Variants in UGT1A10 observed in about 807,000 individuals in gnomAD.
UGT1A10 encodes the protein UDP-glucuronosyltransferase 1A10.
Under a neutral mutation model 45.8 loss-of-function variants are expected in UGT1A10, and 49 were observed. That is an observed-to-expected ratio of 1.07 (90% CI 0.85 to 1.36). The LOEUF (loss-of-function observed/expected upper bound fraction) is 1.36. Among genes scored for constraint, UGT1A10 ranks in the 40% most tolerant of loss-of-function variants. The pLI is 0.00. For missense variants in UGT1A10, 745 were observed against 668.6 expected (o/e 1.11, Z -1.26); for synonymous variants, 284 against 249.7 (o/e 1.14, Z -1.29).
chr2:233,659,180 G>A (rs2073915688), intron 1 of UGT1A10, among the ~76,000 whole-genome samples: 1 of 152,148 alleles, frequency 6.6e-6, no homozygotes, highest in South Asian at 2.1e-4. Flanking sequence ...TTGATGTTAA[G>A]TGGTATTTTC....
At chr2:233,739,631 G>A (rs767111221) in intron 1 of UGT1A10, among the ~76,000 whole-genome samples, 3 of 152,206 alleles carry the variant, frequency 2.0e-5, no homozygotes, top group Admixed American at 6.5e-5. Context: ...ATTTGAAATG[G>A]GAACATTTAC....
intron 1 of UGT1A10, among the ~76,000 whole-genome samples, chr2:233,762,041 G>A (rs938298957): frequency 3.3e-5 from 5 of 152,004 alleles, no homozygotes; most frequent in Non-Finnish European, 7.4e-5. Context: ...TTAATTTTCT[G>A]TGCATTTTCC....
intron 1 of UGT1A10, among the ~76,000 whole-genome samples, chr2:233,724,625 A>C: frequency 7.3e-6 from 1 of 136,298 alleles, no homozygotes; most frequent in Non-Finnish European, 1.6e-5. Flanking sequence ...GACGCTCCTC[A>C]CTTCCTAGAT....
chr2:233,721,017 C>G (rs1165667415), intron 1 of UGT1A10, among the ~76,000 whole-genome samples: 1 of 151,958 alleles, frequency 6.6e-6, no homozygotes, highest in Non-Finnish European at 1.5e-5. Flanking sequence ...AGTGAGGGAG[C>G]CATCTTTCTT....
intron 1 of UGT1A10, among the ~76,000 whole-genome samples, chr2:233,689,088 G>A (rs1435603489): frequency 6.6e-6 from 1 of 152,160 alleles, no homozygotes; most frequent in African/African-American, 2.4e-5. Context: ...TTAGTGGCCT[G>A]TGCCCCTCCC....
chr2:233,749,394 A>T (rs1364997409), intron 1 of UGT1A10, among the ~76,000 whole-genome samples: 1 of 151,918 alleles, frequency 6.6e-6, no homozygotes, highest in African/African-American at 2.4e-5. Flanking sequence ...CAATGTGAAC[A>T]TATTCTCTAG....
At chr2:233,747,551 T>C in intron 1 of UGT1A10, 1 of 1,601,212 alleles carries the variant, frequency 6.2e-7, no homozygotes, top group Non-Finnish European at 8.6e-7. Context: ...TTTCTAAAAG[T>C]ATGGCAATTT....
At chr2:233,726,824 AT>A (rs2077564743) in intron 1 of UGT1A10, among the ~76,000 whole-genome samples, 1 of 152,136 alleles carries the variant, frequency 6.6e-6, no homozygotes, top group Non-Finnish European at 1.5e-5. Context: ...CTATTCGACC[AT>A]TTAAATTTAA....
intron 1 of UGT1A10, among the ~76,000 whole-genome samples, chr2:233,684,467 G>GT (rs1162834640): frequency 1.3e-5 from 2 of 152,216 alleles, no homozygotes; most frequent in Non-Finnish European, 2.9e-5. Flanking sequence ...CCCATGCTGA[G>GT]TTTGTTGTGG....
intron 3 of UGT1A10, 42 bp downstream of exon 3, chr2:233,767,978 A>G: frequency 3.1e-6 from 5 of 1,614,204 alleles, no homozygotes; most frequent in Non-Finnish European, 4.2e-6. Flanking sequence ...ACCAGGGTCA[A>G]ATTAAGAAAA....
At chr2:233,730,406 G>A (rs538447912) in intron 1 of UGT1A10, among the ~76,000 whole-genome samples, 13 of 152,316 alleles carry the variant, frequency 8.5e-5, no homozygotes, top group African/African-American at 3.1e-4. Flanking sequence ...AATTACAATT[G>A]TTGACATGAT....
intron 1 of UGT1A10, chr2:233,743,936 C>T (rs766652895): frequency 1.3e-5 from 17 of 1,355,746 alleles, no homozygotes; most frequent in Non-Finnish European, 1.7e-5. Context: ...CCAGAACGGC[C>T]CACCAGGCAC....
intron 1 of UGT1A10, among the ~76,000 whole-genome samples, chr2:233,660,479 C>T (rs2073940763): frequency 6.6e-6 from 1 of 152,128 alleles, no homozygotes. Context: ...TTTCTGATTT[C>T]AGAGACAAAG....
chr2:233,672,739 A>G lies in UGT1A10; in HGVS notation c.855+35362A>G, dbSNP rs138512716. ...CTATCCCAAACCCGTGATGCCCAACATGATCTTCATTGGTGGTATCAACTG... is the reference window on the plus strand; with the variant it reads ...CTATCCCAAACCCGTGATGCCCAACGTGATCTTCATTGGTGGTATCAACTG... On this transcript the variant is annotated intron_variant, in intron 1 of 4. Transcript: ENST00000344644. 4 of 1,613,838 alleles carry G rather than the reference A, an allele frequency of 2.5e-6. No individual in the cohort carries two copies. In the Admixed American group the frequency reaches 5.0e-5, roughly 20 times the overall value.
In UGT1A10 at chr2:233,636,903, G is replaced by T; in HGVS notation, c.381G>T (p.Leu127Phe). 1 of 1,614,092 alleles carries T rather than the reference G, an allele frequency of 6.2e-7. No individual in the cohort carries two copies. The highest frequency in any genetic ancestry group is 8.5e-7 in the Non-Finnish European group (1 of 1,180,020). Residue 127 changes from leucine (L) to phenylalanine (F), a missense_variant, in exon 1 of 5, where the codon TTG becomes TTT. Transcript: ENST00000344644. Reference sequence around the variant, plus strand: ...TATTTTTTTCGCATTGCAGGAGTTTGTTTAATGACCGAAAATTAGTAGAAT... The same window carrying T: ...TATTTTTTTCGCATTGCAGGAGTTTTTTTAATGACCGAAAATTAGTAGAAT... ...LDLFFSHCRS[L>F]FNDRKLVEYL...
chr2:233,723,731 T>A lies in UGT1A10; in HGVS notation c.856-43303T>A, dbSNP rs1266221554. ...CTTGAGATTAGGGATTGGTGATGAC[T>A]CTTAACGAGCATGCTGCCTTCAAGC... On this transcript the variant is annotated intron_variant, in intron 1 of 4. Coordinates refer to ENST00000344644, the MANE Select transcript of UGT1A10 (RefSeq NM_019075.4). Among the ~76,000 whole-genome samples, 3 of 78,960 alleles carry A rather than the reference T, an allele frequency of 3.8e-5. 1 individual carries two copies. The highest frequency in any genetic ancestry group is 6.7e-5 in the Non-Finnish European group (3 of 44,612). The allele number at this position is 78,960 out of a possible 152,430, so 51.8% of individuals were successfully genotyped here. A position where few individuals can be genotyped will look rare whatever the true frequency, so the allele number is the denominator to read the frequency against.
intron 1 of UGT1A10, chr2:233,743,944 C>A: frequency 7.4e-7 from 1 of 1,351,520 alleles, no homozygotes; most frequent in Non-Finnish European, 9.9e-7. Context: ...GCCCACCAGG[C>A]ACTGGCACAG....
intron 1 of UGT1A10, chr2:233,760,883 C>T (rs550460320): frequency 1.9e-6 from 3 of 1,614,168 alleles, no homozygotes; most frequent in South Asian, 2.2e-5. Context: ...CCTCTCTCCT[C>T]TCATTCAGAT....
In UGT1A10 at chr2:233,768,134, C is replaced by T. The variant is rs558476019; in HGVS notation, c.1076-86C>T. The T allele has an allele frequency of 1.1e-4, 173 of 1,608,048 alleles. No homozygotes were observed. The African/African-American group carries it at 2.2e-3, about 21-fold the overall frequency. Reference sequence around the variant, plus strand: ...CAAGGGCATGTGAGTAACACTGAGTCTTTGGAGTGTTTTCAGAACCTAGAT... The same window carrying T: ...CAAGGGCATGTGAGTAACACTGAGTTTTTGGAGTGTTTTCAGAACCTAGAT... On this transcript the variant is annotated intron_variant, in intron 3 of 4. Transcript: ENST00000344644.
Sources: gnomAD v4.1 joint callset for allele counts (sites outside exome capture counted in the v4.1 genomes callset) on GRCh38, gnomAD v4.1.1 for gene constraint, MANE v1.5 for transcripts, NCBI Gene and HGNC (gene_info 2026-07-23, HGNC 2026-07-21) for gene names.